Variants in SYT1 observed in about 807,000 individuals in gnomAD.
The protein encoded by SYT1 is synaptotagmin 1.
In SYT1, 8 loss-of-function variants were observed where a neutral mutation model predicts 44.8. That is an observed-to-expected ratio of 0.18 (90% CI 0.10 to 0.32). The LOEUF (loss-of-function observed/expected upper bound fraction) is 0.32, where lower values mean the gene tolerates loss of function less well. Among genes scored for constraint, SYT1 ranks in the 10% least tolerant of loss-of-function variants. The pLI is 1.00. For synonymous variants in SYT1, 154 were observed against 188.8 expected (o/e 0.82, Z 1.51); for missense variants, 286 against 509.3 (o/e 0.56, Z 4.22).
intron 1 of SYT1, among the ~76,000 whole-genome samples, chr12:78,895,143 A>C (rs867911347): frequency 1.2e-4 from 18 of 151,736 alleles, no homozygotes; most frequent in Admixed American, 6.6e-5. Flanking sequence ...ACCATCCTGC[A>C]AAATACTTAG....
At chr12:79,044,029 A>T (rs1164212347) in intron 2 of SYT1, among the ~76,000 whole-genome samples, 2 of 151,788 alleles carry the variant, frequency 1.3e-5, no homozygotes, top group Non-Finnish European at 1.5e-5. Flanking sequence ...TTTGTGGGTA[A>T]CCCAACCTTT....
At chr12:79,138,024 C>T (rs368846128) in intron 3 of SYT1, among the ~76,000 whole-genome samples, 1 of 152,144 alleles carries the variant, frequency 6.6e-6, no homozygotes, top group Admixed American at 6.5e-5. Flanking sequence ...TTAACCATCA[C>T]GTCATTCAAT....
intron 8 of SYT1, among the ~76,000 whole-genome samples, chr12:79,312,350 G>A (rs1157086053): frequency 6.6e-6 from 1 of 152,176 alleles, no homozygotes; most frequent in African/African-American, 2.4e-5. Context: ...GTACTTATCA[G>A]AAATTATTTC....
chr12:79,420,592 G>T (rs1434032889), intron 9 of SYT1, among the ~76,000 whole-genome samples: 2 of 152,110 alleles, frequency 1.3e-5, no homozygotes, highest in Non-Finnish European at 2.9e-5. Flanking sequence ...CTGACAAGGA[G>T]GAGGTAGGGA....
At chr12:79,015,398 ATT>A (rs1871741166) in intron 2 of SYT1, among the ~76,000 whole-genome samples, 1 of 151,906 alleles carries the variant, frequency 6.6e-6, no homozygotes, top group Admixed American at 6.6e-5. Flanking sequence ...CAACTTTTTT[ATT>A]TGTTTTTCCT....
At chr12:78,992,015 T>A (rs1870055356) in intron 2 of SYT1, among the ~76,000 whole-genome samples, 1 of 152,158 alleles carries the variant, frequency 6.6e-6, no homozygotes, top group Non-Finnish European at 1.5e-5. Flanking sequence ...CTCATCAAGG[T>A]CATTTTCCTT....
intron 1 of SYT1, among the ~76,000 whole-genome samples, chr12:78,881,973 C>T (rs200614875): frequency 0.017 from 1,217 of 71,736 alleles, 13 homozygotes; most frequent in East Asian, 0.068. Context: ...TCCCATAGCA[C>T]CCTGTATTTT....
intron 1 of SYT1, among the ~76,000 whole-genome samples, chr12:78,893,434 A>C (rs938401185): frequency 1.3e-5 from 2 of 151,674 alleles, no homozygotes; most frequent in African/African-American, 4.8e-5. Flanking sequence ...AAGCCAACTC[A>C]CCTAGCAACA....
intron 1 of SYT1, among the ~76,000 whole-genome samples, chr12:78,972,429 T>C (rs1427803392): frequency 6.6e-6 from 1 of 151,844 alleles, no homozygotes; most frequent in Non-Finnish European, 1.5e-5. Context: ...TAAAGTAATA[T>C]TCAAATTAGA....
chr12:78,914,299 G>A (rs1876517838), intron 1 of SYT1, among the ~76,000 whole-genome samples: 1 of 151,826 alleles, frequency 6.6e-6, no homozygotes, highest in Non-Finnish European at 1.5e-5. Context: ...ATGGCTTGTG[G>A]TGCTGATAAT....
rs547016927 is a variant in SYT1 at position 79,380,694 on chromosome 12, G to T, written c.928+27075G>T. Among the ~76,000 whole-genome samples, 5 of 152,238 alleles carry T rather than the reference G, an allele frequency of 3.3e-5. No individual in the cohort carries two copies. The East Asian group carries it at 9.7e-4, about 30-fold the overall frequency. On this transcript the variant is annotated intron_variant, in intron 9 of 10. Coordinates refer to ENST00000261205, the MANE Select transcript of SYT1 (RefSeq NM_005639.3). Reference sequence around the variant, plus strand: ...TGAGCCATCATGCCCAGCTAAACAAGTTCTTCCCTAAAAGTGAAGAGGGCT... The same window carrying T: ...TGAGCCATCATGCCCAGCTAAACAATTTCTTCCCTAAAAGTGAAGAGGGCT...
intron 1 of SYT1, among the ~76,000 whole-genome samples, chr12:78,952,337 G>A (rs1565734012): frequency 6.6e-6 from 1 of 152,010 alleles, no homozygotes; most frequent in South Asian, 2.1e-4. Flanking sequence ...AATCAGGCAG[G>A]GTTTTACTTA....
intron 1 of SYT1, among the ~76,000 whole-genome samples, chr12:78,944,398 T>C (rs1446014716): frequency 6.6e-6 from 1 of 151,944 alleles, no homozygotes; most frequent in Non-Finnish European, 1.5e-5. Flanking sequence ...TTAGTTTCTA[T>C]TTAAAAAGTG....
At chr12:78,893,856 A>G (rs548312754) in intron 1 of SYT1, among the ~76,000 whole-genome samples, 5 of 151,684 alleles carry the variant, frequency 3.3e-5, no homozygotes, top group Non-Finnish European at 1.5e-5. Flanking sequence ...AAAAATAATA[A>G]TAATAATAAA....
chr12:79,316,013 G>A (rs748163061), intron 8 of SYT1, among the ~76,000 whole-genome samples: 1 of 152,212 alleles, frequency 6.6e-6, no homozygotes, highest in East Asian at 1.9e-4. Context: ...TACTAACATC[G>A]TGACTTTTTA....
chr12:78,921,561 T>C lies in SYT1; in HGVS notation c.-216-56238T>C, dbSNP rs1201889515. On this transcript the variant is annotated intron_variant, in intron 1 of 10. Transcript: ENST00000261205. ...CTAAAACTGGAACATTTCAATAATG[T>C]TATTACACAGCTCAGGTCTTGATTC... is the stretch of plus-strand genomic sequence containing the variant. 2.6e-5 allele frequency among the ~76,000 whole-genome samples: 4 copies of C among 151,990 alleles called. No homozygotes were observed. The East Asian group carries it at 5.8e-4, about 22-fold the overall frequency.
chr12:79,256,657 A>G (rs1267611910), intron 4 of SYT1, among the ~76,000 whole-genome samples: 1 of 151,638 alleles, frequency 6.6e-6, no homozygotes, highest in Admixed American at 6.7e-5. Context: ...TGATGAAGGG[A>G]GATACACTAC....
At chr12:79,082,173 G>A (rs957282078) in intron 3 of SYT1, among the ~76,000 whole-genome samples, 2 of 152,098 alleles carry the variant, frequency 1.3e-5, no homozygotes, top group African/African-American at 2.4e-5. Flanking sequence ...TAGAGAGGAA[G>A]TTATATAGCC....
intron 4 of SYT1, among the ~76,000 whole-genome samples, chr12:79,263,011 A>G (rs1877916173): frequency 6.6e-6 from 1 of 152,198 alleles, no homozygotes; most frequent in Non-Finnish European, 1.5e-5. Flanking sequence ...TGAGAACTGA[A>G]GTTATATTAG....
Sources: allele counts gnomAD v4.1 joint callset (sites outside exome capture counted in the v4.1 genomes callset), GRCh38; gene constraint gnomAD v4.1.1; transcripts MANE v1.5; gene names NCBI Gene and HGNC (gene_info 2026-07-23, HGNC 2026-07-21).